The following SNAP47 variants were observed in gnomAD, a reference collection of about 807,000 sequenced individuals.
SNAP47 encodes synaptosomal-associated protein 47.
SNAP47 carries 20 observed loss-of-function variants against 31.4 expected under a neutral mutation model. That is an observed-to-expected ratio of 0.64 (90% CI 0.45 to 0.93). The LOEUF is 0.93. Ranked by LOEUF, SNAP47 falls within the 40% of genes least tolerant of loss-of-function variation. SNAP47 has a pLI of 0.00. For synonymous variants in SNAP47, 194 were observed against 213.4 expected, an observed-to-expected ratio of 0.91 and a Z score of 0.79; for missense variants, 492 against 528.5, an observed-to-expected ratio of 0.93 and a Z score of 0.68.
chr1:227,780,396 C>G (rs1664394833), intron 4 of SNAP47, 131 bp from the exon 5 acceptor site: 5 of 1,342,122 alleles, frequency 3.7e-6, no homozygotes, highest in Non-Finnish European at 2.0e-6. Flanking sequence ...CGGCTCCCTC[C>G]TGCTGGCTCG....
chr1:227,732,982 G>A (rs1660770739), upstream of SNAP47: 1 of 1,613,370 alleles, frequency 6.2e-7, no homozygotes, highest in African/African-American at 1.3e-5. Context: ...ATGTTGGCCA[G>A]GTTGAAGCCA....
intron 1 of SNAP47, 29 bp downstream of exon 1, chr1:227,735,528 C>T (rs752573049): frequency 7.3e-7 from 1 of 1,373,340 alleles, no homozygotes. Context: ...CTGTTGGGCG[C>T]CCGGCCCAAG....
At chr1:227,733,388 A>C, upstream of SNAP47, 1 of 1,558,910 alleles carries the variant, frequency 6.4e-7, no homozygotes, top group Non-Finnish European at 8.7e-7. Context: ...GGCCCCTGAT[A>C]GGGGGCAGGA....
At chr1:227,776,549 G>A (rs1664170548) in intron 4 of SNAP47, 1 of 985,382 alleles carries the variant, frequency 1.0e-6, no homozygotes, top group Non-Finnish European at 1.2e-6. Context: ...ATGGCTAGAT[G>A]GCTTGTCACC....
chr1:227,777,646 C>T (rs1664240477), intron 4 of SNAP47, among the ~76,000 whole-genome samples: 1 of 152,186 alleles, frequency 6.6e-6, no homozygotes, highest in Non-Finnish European at 1.5e-5. Flanking sequence ...GGGTTCAGTA[C>T]AGTATTTTAT....
intron 2 of SNAP47, among the ~76,000 whole-genome samples, chr1:227,757,834 A>G (rs1558202840): frequency 6.6e-6 from 1 of 152,218 alleles, no homozygotes; most frequent in Non-Finnish European, 1.5e-5. Flanking sequence ...AATCTTGCTA[A>G]TAATTCTAAT....
At chr1:227,736,673 TTTTTTTGTTTTTG>T (rs2102880461) in intron 1 of SNAP47, among the ~76,000 whole-genome samples, 1 of 148,072 alleles carries the variant, frequency 6.8e-6, no homozygotes, top group African/African-American at 2.6e-5. Context: ...CTTAGTTTTG[TTTTTTTGTTTTTG>T]TTTTTTTTTT....
intron 2 of SNAP47, among the ~76,000 whole-genome samples, chr1:227,757,535 G>T (rs1423172424): frequency 6.6e-6 from 1 of 152,244 alleles, no homozygotes; most frequent in Non-Finnish European, 1.5e-5. Context: ...TCTTGACTAA[G>T]AATGGCCTAT....
At chr1:227,731,585 G>C (rs1660652450), upstream of SNAP47, 1 of 152,372 alleles carries the variant, frequency 6.6e-6, no homozygotes, top group South Asian at 2.1e-4. Context: ...CCCACCACAG[G>C]CCTCCGCTGC....
At chr1:227,735,076 G>T, upstream of SNAP47, 1 of 1,564,094 alleles carries the variant, frequency 6.4e-7, no homozygotes, top group Non-Finnish European at 8.7e-7. Flanking sequence ...GCCGCCGGCT[G>T]CCCCAGCCCT....
At chr1:227,737,160 T>C (rs945900369) in intron 1 of SNAP47, among the ~76,000 whole-genome samples, 5 of 152,196 alleles carry the variant, frequency 3.3e-5, no homozygotes, top group Admixed American at 1.3e-4. Context: ...CCCTATGTGA[T>C]GTATGTCTTG....
chr1:227,749,875 G>A (rs1356105557), intron 2 of SNAP47, among the ~76,000 whole-genome samples: 1 of 152,156 alleles, frequency 6.6e-6, no homozygotes. Context: ...GTTTTTACAT[G>A]CTTTCAATTA....
At chr1:227,740,992 G>A (rs1447177884) in intron 1 of SNAP47, among the ~76,000 whole-genome samples, 1 of 148,080 alleles carries the variant, frequency 6.8e-6, no homozygotes, top group Admixed American at 6.6e-5. Flanking sequence ...GCCTGTTAGG[G>A]TCAGGGACAG....
chr1:227,773,251 A>T (rs559367447), intron 4 of SNAP47, among the ~76,000 whole-genome samples: 13 of 150,646 alleles, frequency 8.6e-5, no homozygotes, highest in Non-Finnish European at 1.5e-4. Context: ...GATTATGGGC[A>T]TGAGCCACTG....
rs2236359 is a variant in SNAP47, at chr1:227,747,743, A to G, written c.7A>G (p.Arg3Gly). Residue 3 changes from arginine to glycine, a missense_variant, in exon 2 of 5, where the codon AGG becomes GGG. Physicochemically the swap from Arg to Gly is moderately radical, Grantham distance 125. Transcript: ENST00000617596. ...CACACAGACCCAGGAACAGATGAGC[A>G]GGGATGTCTGCATCCACACCTGGCC... The part of the protein sequence containing the change: MS[R>G]DVCIHTWPCT... The G allele has an allele frequency of 0.41, 661,540 of 1,613,118 alleles. 136,507 individuals are homozygous for G. The highest frequency in any genetic ancestry group is 0.46 in the African/African-American group (34,161 of 74,872).
chr1:227,751,176 GC>G (rs1164786877), intron 2 of SNAP47, among the ~76,000 whole-genome samples: 3 of 152,164 alleles, frequency 2.0e-5, no homozygotes, highest in African/African-American at 7.2e-5. Context: ...GTGAAGAAGA[GC>G]CCGCCCTGTG....
chr1:227,730,424 ATT>A (rs11312012), upstream of SNAP47: 231 of 146,000 alleles, frequency 1.6e-3, no homozygotes, highest in Middle Eastern at 3.5e-3. Flanking sequence ...TGGTGTCAGC[ATT>A]TTTTTTTTTT....
chr1:227,741,949 T>C lies in SNAP47; in HGVS notation c.-45-5743T>C, dbSNP rs1235786545. ...GAATACTTTCCTTATATTTATTGTT[T>C]AAAATGTGATAATGAGAAGAGCCTT... On this transcript the variant is annotated intron_variant, in intron 1 of 4. Coordinates refer to ENST00000617596, the MANE Select transcript of SNAP47 (RefSeq NM_053052.4). This position sits in a 1 kb window ranked among gnomAD's most constrained non-coding sequence, Gnocchi z 4.2. Among the ~76,000 whole-genome samples, 1 of 152,200 alleles carries C rather than the reference T, an allele frequency of 6.6e-6. No homozygotes were observed. Among genetic ancestry groups the C allele is most frequent in the Non-Finnish European group, 1.5e-5 (1 of 68,032 alleles).
At chr1:227,735,626 G>GGGTATGC in intron 1 of SNAP47, 127 bp downstream of exon 1, 1 of 1,325,940 alleles carries the variant, frequency 7.5e-7, no homozygotes. Flanking sequence ...GGGGGGTGGG[G>GGGTATGC]GGTATGCGGG....
Sources: allele counts gnomAD v4.1 joint callset (sites outside exome capture counted in the v4.1 genomes callset), GRCh38; gene constraint gnomAD v4.1.1; non-coding constraint Gnocchi (gnomAD v3.1); transcripts MANE v1.5; gene names NCBI Gene and HGNC (gene_info 2026-07-23, HGNC 2026-07-21).